Variants in RNF19A observed in about 807,000 individuals in gnomAD.
RNF19A encodes the protein E3 ubiquitin-protein ligase RNF19A.
RNF19A carries 32 observed loss-of-function variants against 75.7 expected under a neutral mutation model. That is an observed-to-expected ratio of 0.42 (90% CI 0.32 to 0.57). The LOEUF is 0.57. Ranked by LOEUF, RNF19A falls within the 20% of genes least tolerant of loss-of-function variation. The pLI is 0.10. For synonymous variants in RNF19A, 335 were observed against 345.2 expected (o/e 0.97, Z 0.33); for missense variants, 782 against 1,036.3 (o/e 0.75, Z 3.37).
chr8:100,305,348 T>C (rs984451667), intron 1 of RNF19A, among the ~76,000 whole-genome samples: 1 of 152,170 alleles, frequency 6.6e-6, no homozygotes, highest in African/African-American at 2.4e-5. Context: ...GTATTTGGCC[T>C]CAAAAGACAC....
intron 1 of RNF19A, among the ~76,000 whole-genome samples, chr8:100,291,729 A>G (rs1194797242): frequency 1.3e-5 from 2 of 152,236 alleles, no homozygotes; most frequent in African/African-American, 4.8e-5. Flanking sequence ...TCTGTTATTC[A>G]GCTAAAATTA....
At chr8:100,295,871 G>A (rs923907473) in intron 1 of RNF19A, among the ~76,000 whole-genome samples, 1 of 152,096 alleles carries the variant, frequency 6.6e-6, no homozygotes, top group African/African-American at 2.4e-5. Context: ...TCTTAACAGA[G>A]AGAAATCACT....
intron 1 of RNF19A, among the ~76,000 whole-genome samples, chr8:100,299,306 A>C (rs1202354763): frequency 1.3e-5 from 2 of 152,242 alleles, no homozygotes; most frequent in Non-Finnish European, 2.9e-5. Flanking sequence ...AGATGATTAC[A>C]ATTTTCTAGG....
rs144993659 is a variant in RNF19A, at chr8:100,323,958, G to A, written c.-242-10586C>T. 1.8e-3 allele frequency among the ~76,000 whole-genome samples: 269 copies of A among 152,250 alleles called. No individual in the cohort carries two copies. The highest frequency in any genetic ancestry group is 0.013 in the South Asian group (63 of 4,824). ...GGGAGAAAAATTTATCTGAGGTCTC[G>A]GGGCCAGAGATCTGTATTCAATTTC... On this transcript the variant is annotated intron_variant, in intron 1 of 3. Transcript: ENST00000519527. This position sits in a 1 kb window ranked among gnomAD's most constrained non-coding sequence, Gnocchi z 4.6.
upstream of RNF19A, among the ~76,000 whole-genome samples, chr8:100,311,852 G>C (rs1822303902): frequency 6.6e-6 from 1 of 152,120 alleles, no homozygotes; most frequent in African/African-American, 2.4e-5. Flanking sequence ...CTTACACTCT[G>C]TACAACGGTA....
intron 1 of RNF19A, among the ~76,000 whole-genome samples, chr8:100,327,245 CTTTT>C (rs71303441): frequency 2.2e-3 from 166 of 75,856 alleles, no homozygotes; most frequent in African/African-American, 8.8e-3. Flanking sequence ...GCAATTACTT[CTTTT>C]TTTTTTTTTT....
At position 100,323,232 on chromosome 8, in the gene RNF19A, T is replaced by C. The variant is rs983404602; in HGVS notation, c.-242-9860A>G. On this transcript the variant is annotated intron_variant, in intron 1 of 3. Transcript: ENST00000519527. The surrounding 1 kb of genome is among the most constrained non-coding windows in gnomAD (Gnocchi z 4.6). ...GGGATATAGGACTCAATGGTTTTTA[T>C]TTGAAGGTAGTATTTCATAGAAAGT... 2.6e-5 allele frequency among the ~76,000 whole-genome samples: 4 copies of C among 152,242 alleles called. No individual in the cohort carries two copies. The highest frequency in any genetic ancestry group is 1.5e-5 in the Non-Finnish European group (1 of 68,034).
chr8:100,261,563 G>A lies in RNF19A; in HGVS notation c.1661C>T (p.Ala554Val), dbSNP rs1262965474. Residue 554 changes from alanine (A) to valine (V), a missense_variant, in exon 8 of 10, where the codon GCC becomes GTC. By Grantham distance (64) the Ala-to-Val change is moderately conservative. This residue lies in a region of RNF19A where 442 missense variants were observed against 541.6 expected (regional missense o/e 0.82). Coordinates refer to ENST00000341084, the MANE Select transcript of RNF19A (RefSeq NM_183419.4). The surrounding 1 kb of genome is among the most constrained non-coding windows in gnomAD (Gnocchi z 4.4). ...ASITGSLSGS[A>V]MVNCFNRLEV... is the part of the protein sequence containing the mutation. ...ACACCTGTTAAAACAGTTTACCATG[G>A]CACTTCCTGACAGACTCCCCGTTAT... is the stretch of plus-strand genomic sequence containing the variant. The A allele has an allele frequency of 6.2e-7, 1 of 1,613,800 alleles. No individual in the cohort carries two copies. Among genetic ancestry groups the A allele is most frequent in the East Asian group, 2.2e-5 (1 of 44,886 alleles).
In RNF19A at chr8:100,309,849, C is replaced by G. The variant is rs920153449; in HGVS notation, c.-94+18G>C. The G allele has an allele frequency of 6.1e-6, 6 of 985,502 alleles. No individual in the cohort carries two copies. Among genetic ancestry groups the G allele is most frequent in the Admixed American group, 1.2e-4 (2 of 16,276 alleles). 61.0% of individuals were successfully genotyped at this position (985,502 alleles called of 1,614,324 possible). The stretch of plus-strand genomic sequence containing the variant: ...CTCCCGCTCCGGGGCGCAAGCTCCT[C>G]CGGGTGCCCGCCCGTACCTTTAACT... On this transcript the variant is annotated intron_variant, in intron 1 of 9. Transcript: ENST00000341084.
At chr8:100,311,562 CA>C (rs1462545846), upstream of RNF19A, among the ~76,000 whole-genome samples, 1 of 151,552 alleles carries the variant, frequency 6.6e-6, no homozygotes, top group African/African-American at 2.4e-5. Flanking sequence ...ACTAAAAATA[CA>C]AAAAATTAGC....
In RNF19A at chr8:100,322,495, T is replaced by C. The variant is rs1440158529; in HGVS notation, c.-242-9123A>G. Among the ~76,000 whole-genome samples, 5 of 152,368 alleles carry C rather than the reference T, an allele frequency of 3.3e-5. No individual in the cohort carries two copies. In the East Asian group the frequency reaches 9.6e-4, roughly 29 times the overall value. On this transcript the variant is annotated intron_variant, in intron 1 of 3. Coordinates refer to the RNF19A transcript ENST00000519527. The surrounding 1 kb of genome is among the most constrained non-coding windows in gnomAD (Gnocchi z 5.1). ...AAGGTTTAATCTTCTATTCAGACCA[T>C]TTAAACTTTCTCCAAATTAGCAATA...
intron 3 of RNF19A, among the ~76,000 whole-genome samples, chr8:100,271,394 CT>C (rs1433252753): frequency 6.6e-6 from 1 of 152,154 alleles, no homozygotes; most frequent in Non-Finnish European, 1.5e-5. Context: ...GCTTTTATGC[CT>C]GATACAACAC....
At chr8:100,312,661 C>G (rs1194300423), upstream of RNF19A, among the ~76,000 whole-genome samples, 2 of 152,130 alleles carry the variant, frequency 1.3e-5, no homozygotes, top group African/African-American at 2.4e-5. Flanking sequence ...CAGTGGCTCA[C>G]GCCTGTAATC....
intron 1 of RNF19A, among the ~76,000 whole-genome samples, chr8:100,301,594 G>T (rs1156880361): frequency 6.6e-6 from 1 of 152,088 alleles, no homozygotes; most frequent in Non-Finnish European, 1.5e-5. Context: ...TCTCTGCCTG[G>T]AGTATTCTTT....
chr8:100,281,426 T>C (rs753685445), intron 2 of RNF19A, among the ~76,000 whole-genome samples: 1 of 152,254 alleles, frequency 6.6e-6, no homozygotes. Flanking sequence ...AATTAAGTCA[T>C]TTATAATATC....
intron 1 of RNF19A, among the ~76,000 whole-genome samples, chr8:100,305,602 G>A (rs1822032947): frequency 6.6e-6 from 1 of 152,066 alleles, no homozygotes; most frequent in Admixed American, 6.5e-5. Flanking sequence ...TATTTCTATT[G>A]GACAACACTG....
chr8:100,305,211 G>T (rs918959648), intron 1 of RNF19A, among the ~76,000 whole-genome samples: 1 of 152,158 alleles, frequency 6.6e-6, no homozygotes, highest in Non-Finnish European at 1.5e-5. Flanking sequence ...GGGATTACAG[G>T]ATTATACATT....
Position 100,258,226 on chromosome 8 carries a change from G to A in RNF19A, c.*330C>T. On this transcript the variant is annotated 3_prime_UTR_variant, in exon 10 of 10. Transcript: ENST00000341084. The surrounding 1 kb of genome is among the most constrained non-coding windows in gnomAD (Gnocchi z 4.3). ...TTCTTCATTTGAATGCTGTAGAATT[G>A]CATTAGTATTTTATATTGATTATAT... 1 of 417,718 alleles carries A rather than the reference G, an allele frequency of 2.4e-6. No individual in the cohort carries two copies. The highest frequency in any genetic ancestry group is 4.2e-6 in the Non-Finnish European group (1 of 238,016). The allele number at this position is 417,718 out of a possible 1,614,324, so 25.9% of individuals were successfully genotyped here.
At chr8:100,309,684 C>G (rs2130259681) in intron 1 of RNF19A, among the ~76,000 whole-genome samples, 183 bp downstream of exon 1, 1 of 152,348 alleles carries the variant, frequency 6.6e-6, no homozygotes, top group East Asian at 1.9e-4. Context: ...CTAAGCCGGC[C>G]ACGGCCCCGA....
Sources: allele counts gnomAD v4.1 joint callset (sites outside exome capture counted in the v4.1 genomes callset), GRCh38; gene constraint gnomAD v4.1.1; regional missense constraint gnomAD v4.1.1; non-coding constraint Gnocchi (gnomAD v3.1); transcripts MANE v1.5; gene names NCBI Gene and HGNC (gene_info 2026-07-23, HGNC 2026-07-21).